The following RFC1 variants were observed in gnomAD, a reference collection of about 807,000 sequenced individuals.
The protein encoded by RFC1 is A1 140 kDa subunit.
A neutral mutation model predicts 137.4 loss-of-function variants in RFC1; 37 were observed. The ratio of observed to expected loss-of-function variants is 0.27; its 90% CI spans 0.21 to 0.35. RFC1 has a LOEUF of 0.35. Among genes scored for constraint, RFC1 ranks in the 10% least tolerant of loss-of-function variants. The pLI is 1.00. For synonymous variants in RFC1, 429 were observed against 455.7 expected, an observed-to-expected ratio of 0.94 and a Z score of 0.75; for missense variants, 1,205 against 1,358.5, an observed-to-expected ratio of 0.89 and a Z score of 1.78.
chr4:39,323,495 A>G (rs1486803965), intron 6 of RFC1, 78 bp from the exon 7 acceptor site: 4 of 1,210,574 alleles, frequency 3.3e-6, no homozygotes, highest in Non-Finnish European at 4.8e-6. Flanking sequence ...TCTGATTCAT[A>G]TATTTAGAAG....
chr4:39,351,066 C>A (rs4974936), intron 2 of RFC1, among the ~76,000 whole-genome samples: 1 of 151,754 alleles, frequency 6.6e-6, no homozygotes, highest in South Asian at 2.1e-4. Flanking sequence ...CTGGCTAACA[C>A]GGTGAAACCC....
At chr4:39,298,780 C>A (rs903616650) in intron 21 of RFC1, among the ~76,000 whole-genome samples, 2 of 152,202 alleles carry the variant, frequency 1.3e-5, no homozygotes, top group African/African-American at 4.8e-5. Flanking sequence ...ATTCCTATTT[C>A]TATGTGTCCA....
At chr4:39,340,485 T>C (rs572722838) in intron 4 of RFC1, among the ~76,000 whole-genome samples, 1 of 152,340 alleles carries the variant, frequency 6.6e-6, no homozygotes, top group African/African-American at 2.4e-5. Context: ...TTTAACCTTA[T>C]ACTGGTAATA....
Position 39,302,606 on chromosome 4 carries a change from C to A in RFC1, c.2341-11G>T. ...AGACATCATAGCACCCTGAAATTGACAAGGGAGGAGTCCTCAATGATTTTT... is the reference window on the plus strand; with the variant it reads ...AGACATCATAGCACCCTGAAATTGAAAAGGGAGGAGTCCTCAATGATTTTT... On this transcript the variant is annotated splice_polypyrimidine_tract_variant and intron_variant, in intron 17 of 24. Transcript: ENST00000349703. The A allele has an allele frequency of 6.4e-7, 1 of 1,565,788 alleles. No individual in the cohort carries two copies. Among genetic ancestry groups the A allele is most frequent in the Middle Eastern group, 1.7e-4 (1 of 5,902 alleles).
At chr4:39,319,606 T>TA (rs1452545383) in intron 9 of RFC1, among the ~76,000 whole-genome samples, 1 of 152,182 alleles carries the variant, frequency 6.6e-6, no homozygotes, top group Non-Finnish European at 1.5e-5. Context: ...TATAATGACT[T>TA]ATGATCGTTA....
At chr4:39,305,230 C>G (rs1422005993) in intron 14 of RFC1, among the ~76,000 whole-genome samples, 1 of 151,996 alleles carries the variant, frequency 6.6e-6, no homozygotes, top group East Asian at 1.9e-4. Context: ...AGCAATTTTA[C>G]TAAATTTACT....
chr4:39,295,578 T>A, intron 22 of RFC1, 36 bp downstream of exon 22: 1 of 1,550,686 alleles, frequency 6.4e-7, no homozygotes, highest in East Asian at 2.3e-5. Context: ...ATACACCAAA[T>A]CGATAAAATA....
chr4:39,352,807 G>C (rs1022366314), intron 1 of RFC1, among the ~76,000 whole-genome samples: 1 of 152,108 alleles, frequency 6.6e-6, no homozygotes. Context: ...CAAAGAACTG[G>C]ATTTAAGAAC....
rs1232681406 is a variant in RFC1, at chr4:39,351,400, G to C, written c.80C>G (p.Thr27Arg). 12 of 1,556,516 alleles carry C rather than the reference G, an allele frequency of 7.7e-6. No individual in the cohort carries two copies. The highest frequency in any genetic ancestry group is 2.1e-4 in the Middle Eastern group (1 of 4,872). ...TTTTAAAGTTTCTTCATCAGACTTT[G>C]TTTTCTCATTCTTCTTTACTGTTTC... ...VSETVKKNEKTKSDEETLKAK... is the reference protein window; with the variant it reads ...VSETVKKNEKRKSDEETLKAK... The change falls in exon 2 of 25, where the codon ACA becomes AGA. Residue 27 changes from threonine to arginine, a missense_variant. Around this residue, in one of 3 missense-constraint regions of RFC1, gnomAD observed 962 missense variants for 1,035.3 expected, o/e 0.93. Coordinates refer to ENST00000349703, the MANE Select transcript of RFC1 (RefSeq NM_002913.5).
intron 4 of RFC1, among the ~76,000 whole-genome samples, chr4:39,330,220 T>C (rs1740030033): frequency 6.6e-6 from 1 of 152,152 alleles, no homozygotes; most frequent in Non-Finnish European, 1.5e-5. Flanking sequence ...CACTGTGTTA[T>C]CCTTAGGTGG....
chr4:39,348,424 A>AAAAAGAAAAGAAAAGAAAAG (rs201554512), intron 2 of RFC1, among the ~76,000 whole-genome samples: 892 of 71,794 alleles, frequency 0.012, 78 homozygotes, highest in African/African-American at 0.04. Context: ...CTCTGTTTCA[A>AAAAAGAAAAGAAAAGAAAAG]AAAAGAAAAG....
rs2600447 is a variant in RFC1, at chr4:39,316,971, G to A, written c.1147C>T (p.Arg383Ter). The change falls in exon 10 of 25, where the codon CGA becomes TGA. Residue 383 changes from arginine (R) to a stop codon, truncating the protein, a stop_gained. Coordinates refer to ENST00000349703, the MANE Select transcript of RFC1 (RefSeq NM_002913.5). LOFTEE classifies it high-confidence loss of function. ...EKKRTNYQAY[R>*]SYLNREGPKA... Reference sequence around the variant, plus strand: ...GGACCTTCTCGATTTAAGTAGCTTCGATAAGCTTGATAATTAGTGCGTTTC... The same window carrying A: ...GGACCTTCTCGATTTAAGTAGCTTCAATAAGCTTGATAATTAGTGCGTTTC... The A allele has an allele frequency of 1.2e-6, 2 of 1,613,916 alleles. No homozygotes were observed. The highest frequency in any genetic ancestry group is 1.7e-6 in the Non-Finnish European group (2 of 1,179,958).
At chr4:39,337,992 G>T (rs1740442347) in intron 4 of RFC1, among the ~76,000 whole-genome samples, 1 of 152,118 alleles carries the variant, frequency 6.6e-6, no homozygotes, top group Admixed American at 6.5e-5. Context: ...TCAAACAACA[G>T]GCCCTGATGA....
At chr4:39,336,392 G>A (rs919469154) in intron 4 of RFC1, among the ~76,000 whole-genome samples, 2 of 152,232 alleles carry the variant, frequency 1.3e-5, no homozygotes, top group African/African-American at 2.4e-5. Context: ...GAACTGGTCA[G>A]GAGCAGCATA....
chr4:39,329,310 G>A (rs1452416356), intron 4 of RFC1, among the ~76,000 whole-genome samples: 2 of 151,784 alleles, frequency 1.3e-5, no homozygotes, highest in East Asian at 3.9e-4. Flanking sequence ...AGATCAGCCT[G>A]GGCAACATAA....
Position 39,311,501 on chromosome 4 carries a change from G to A in RFC1, c.1432C>T (p.Leu478=), listed in dbSNP as rs1738960096. 1 of 1,614,042 alleles carries A rather than the reference G, an allele frequency of 6.2e-7. No homozygotes were observed. Among genetic ancestry groups the A allele is most frequent in the African/African-American group, 1.3e-5 (1 of 75,032 alleles). ...TTCTTGCCTGGCATAGTCCGAATCA[G>A]ATTCAACAGGCCATCTTCATCAATA... The part of the protein sequence containing the change: ...KIIDEDGLLN[L]IRTMPGKKSK... The change falls in exon 12 of 25, where the codon CTG becomes TTG. Residue 478 remains leucine (L), a synonymous_variant. Transcript: ENST00000349703.
intron 14 of RFC1, among the ~76,000 whole-genome samples, chr4:39,305,593 G>GTAAA (rs1560595201): frequency 6.6e-6 from 1 of 152,166 alleles, no homozygotes; most frequent in Non-Finnish European, 1.5e-5. Flanking sequence ...GGGTGGCAGA[G>GTAAA]TAAAACTGTG....
chr4:39,322,778 C>CAA (rs768012107), intron 7 of RFC1, among the ~76,000 whole-genome samples: 15 of 112,376 alleles, frequency 1.3e-4, no homozygotes, highest in Admixed American at 1.9e-4. Context: ...GACCTTGTCT[C>CAA]AAAAAAAAAA....
At chr4:39,334,165 C>G (rs1740243542) in intron 4 of RFC1, among the ~76,000 whole-genome samples, 1 of 151,888 alleles carries the variant, frequency 6.6e-6, no homozygotes, top group Non-Finnish European at 1.5e-5. Context: ...TTAAAAAAAG[C>G]AAATTCATGA....
Sources: gnomAD v4.1 joint callset for allele counts (sites outside exome capture counted in the v4.1 genomes callset) on GRCh38, gnomAD v4.1.1 for gene constraint, gnomAD v4.1.1 regional missense constraint, MANE v1.5 for transcripts, NCBI Gene and HGNC (gene_info 2026-07-23, HGNC 2026-07-21) for gene names.